The following TMEM74B variants were observed in gnomAD, a reference collection of about 807,000 sequenced individuals.
TMEM74B encodes transmembrane protein 74B, also known as transmembrane protein C20orf46.
In TMEM74B, 7 loss-of-function variants were observed where a neutral mutation model predicts 6.5. The observed-to-expected ratio is 1.07, with a 90% confidence interval of 0.61 to 2.01. The LOEUF is 2.01. Among genes scored for constraint, TMEM74B ranks in the 30% most tolerant of loss-of-function variants. The pLI, the probability that TMEM74B is intolerant of heterozygous loss-of-function variation, is 0.00. For synonymous variants in TMEM74B, 151 were observed against 151.6 expected, an observed-to-expected ratio of 1.00 and a Z score of 0.03; for missense variants, 342 against 337.0, an observed-to-expected ratio of 1.01 and a Z score of -0.12.
At chr20:1,184,982 C>T (rs540438134), upstream of TMEM74B, among the ~76,000 whole-genome samples, 187 of 152,322 alleles carry the variant, frequency 1.2e-3, no homozygotes, top group Middle Eastern at 3.4e-3. This position sits in a 1 kb window ranked among gnomAD's most constrained non-coding sequence, Gnocchi z 6.0. Context: ...CCCGGAAGGC[C>T]GAACCGGACC....
At position 1,181,945 on chromosome 20, in the gene TMEM74B, T is replaced by C. The variant is rs1329749451; in HGVS notation, c.32-358A>G. ...CTAAGTGCTCAAAGTTAGCGATGAGTTCCTATTATACTGGAGGGAATGTAG... is the reference window on the plus strand; with the variant it reads ...CTAAGTGCTCAAAGTTAGCGATGAGCTCCTATTATACTGGAGGGAATGTAG... On this transcript the variant is annotated intron_variant, in intron 2 of 2. Coordinates refer to ENST00000429036, the MANE Select transcript of TMEM74B (RefSeq NM_001304748.2). The surrounding 1 kb of genome is among the most constrained non-coding windows in gnomAD (Gnocchi z 4.9). Among the ~76,000 whole-genome samples the C allele has an allele frequency of 6.6e-6, 1 of 152,158 alleles. No homozygotes were observed. The highest frequency in any genetic ancestry group is 1.9e-4 in the East Asian group (1 of 5,184).
chr20:1,181,070 C>T lies in TMEM74B; in HGVS notation c.549G>A (p.Leu183=), dbSNP rs771037834. Residue 183 remains leucine (L), a synonymous_variant, in exon 3 of 3, where the codon CTG becomes CTA. Coordinates refer to ENST00000429036, the MANE Select transcript of TMEM74B (RefSeq NM_001304748.2). This position sits in a 1 kb window ranked among gnomAD's most constrained non-coding sequence, Gnocchi z 4.9. ...ACAAGAGCATGCCGCCCACCGTGAG[C>T]AGCCCGAGGCCTGCGATGATGCACC... ...LDRCIIAGLG[L]LTVGGMLLSV... 2 of 1,613,626 alleles carry T rather than the reference C, an allele frequency of 1.2e-6. No individual in the cohort carries two copies. Among genetic ancestry groups the T allele is most frequent in the Non-Finnish European group, 1.7e-6 (2 of 1,179,914 alleles).
intron 2 of TMEM74B, among the ~76,000 whole-genome samples, chr20:1,182,499 G>A (rs1297739841): frequency 2.7e-5 from 4 of 148,640 alleles, no homozygotes; most frequent in Admixed American, 1.3e-4. Flanking sequence ...GTGGAGGATG[G>A]GGGTCCAGCA....
upstream of TMEM74B, among the ~76,000 whole-genome samples, chr20:1,186,854 A>G (rs1419560783): frequency 6.6e-6 from 1 of 152,148 alleles, no homozygotes; most frequent in Non-Finnish European, 1.5e-5. Flanking sequence ...AAGGGATGCT[A>G]GCCCTGGCAC....
At position 1,180,632 on chromosome 20, in the gene TMEM74B, A is replaced by G; in HGVS notation, c.*216T>C. 2 of 505,272 alleles carry G rather than the reference A, an allele frequency of 4.0e-6. No homozygotes were observed. The highest frequency in any genetic ancestry group is 1.8e-4 in the South Asian group (2 of 11,400). The allele number at this position is 505,272 out of a possible 1,614,324, so 31.3% of individuals were successfully genotyped here. ...CCATCCTCCAAACAAAACCGTATGC[A>G]AAACCTCAGCTACAAAACAGATCAG... On this transcript the variant is annotated 3_prime_UTR_variant, in exon 3 of 3. Coordinates refer to ENST00000429036, the MANE Select transcript of TMEM74B (RefSeq NM_001304748.2). This position sits in a 1 kb window ranked among gnomAD's most constrained non-coding sequence, Gnocchi z 6.1.
At position 1,181,367 on chromosome 20, in the gene TMEM74B, T is replaced by G; in HGVS notation, c.252A>C (p.Ser84=). 6.4e-7 allele frequency: 1 copy of G among 1,553,474 alleles called. No individual in the cohort carries two copies. The highest frequency in any genetic ancestry group is 8.7e-7 in the Non-Finnish European group (1 of 1,147,684). The stretch of plus-strand genomic sequence containing the variant: ...AGGAGACACCCCCAGGGGGACTGGG[T>G]GAGCTGCCCAGTCTCGTGTTCCCAG... ...QNPGNTRLGS[S]PSPPGGVSSL... is the part of the protein sequence containing the mutation. The change falls in exon 3 of 3, where the codon TCA becomes TCC. Residue 84 remains serine, a synonymous_variant. Transcript: ENST00000429036. This position sits in a 1 kb window ranked among gnomAD's most constrained non-coding sequence, Gnocchi z 4.9.
At chr20:1,182,539 C>T (rs1320094367) in intron 2 of TMEM74B, among the ~76,000 whole-genome samples, 3 of 152,176 alleles carry the variant, frequency 2.0e-5, no homozygotes, top group South Asian at 2.1e-4. Context: ...GATGGCATGG[C>T]TAAAAGGGCC....
In TMEM74B at chr20:1,181,311, G is replaced by A; in HGVS notation, c.308C>T (p.Ser103Phe). The change falls in exon 3 of 3, where the codon TCC becomes TTC. Residue 103 changes from serine to phenylalanine, a missense_variant. By Grantham distance (155) the Ser-to-Phe change is radical. Coordinates refer to ENST00000429036, the MANE Select transcript of TMEM74B (RefSeq NM_001304748.2). This position sits in a 1 kb window ranked among gnomAD's most constrained non-coding sequence, Gnocchi z 4.9. ...SLPRSQRDDL[S>F]LHSEEGPALE... ...GGCTGGCCCCTCCTCTGAATGAAGG[G>A]ACAGATCATCCCGCTGGGATCGGGG... 1 of 1,609,814 alleles carries A rather than the reference G, an allele frequency of 6.2e-7. No individual in the cohort carries two copies. Among genetic ancestry groups the A allele is most frequent in the East Asian group, 2.2e-5 (1 of 44,820 alleles).
chr20:1,181,464 A>T lies in TMEM74B; in HGVS notation c.155T>A (p.Val52Glu). The T allele has an allele frequency of 2.0e-6, 3 of 1,513,510 alleles. No homozygotes were observed. Among genetic ancestry groups the T allele is most frequent in the Non-Finnish European group, 2.7e-6 (3 of 1,131,714 alleles). The allele number at this position is 1,513,510 out of a possible 1,614,324, so 93.8% of individuals were successfully genotyped here. A position where few individuals can be genotyped will look rare whatever the true frequency, so the allele number is the denominator to read the frequency against. Residue 52 changes from valine to glutamate, a missense_variant, in exon 3 of 3, where the codon GTG (valine) becomes GAG (glutamate). Physicochemically the swap from Val to Glu is moderately radical, Grantham distance 121. Transcript: ENST00000429036. The surrounding 1 kb of genome is among the most constrained non-coding windows in gnomAD (Gnocchi z 4.9). ...CTCCACACCCTCCCTGGTTGGGGCC[A>T]CTGGGCCCAGGGGAGCTGATCTCCT... ...APRRSAPLGP[V>E]APTREGVENA... is the part of the protein sequence containing the mutation.
At chr20:1,182,672 G>A (rs1386586709) in intron 2 of TMEM74B, among the ~76,000 whole-genome samples, 1 of 152,064 alleles carries the variant, frequency 6.6e-6, no homozygotes. Context: ...GGCGAGAAGA[G>A]GGACACTCTC....
rs1307502857 is a variant in TMEM74B, at chr20:1,181,611, G to GT, written c.32-25dup. On this transcript the variant is annotated intron_variant, in intron 2 of 2. Transcript: ENST00000429036. The surrounding 1 kb of genome is among the most constrained non-coding windows in gnomAD (Gnocchi z 4.9). ...AGCTGGAAGAGAAAAAAGAAAGTCA[G>GT]TTGAATGTAGCAACCTCTCCCTGTT... The GT allele has an allele frequency of 1.4e-6, 2 of 1,451,832 alleles. No individual in the cohort carries two copies. The highest frequency in any genetic ancestry group is 5.3e-5 in the Admixed American group (2 of 37,942). 89.9% of individuals were successfully genotyped at this position (1,451,832 alleles called of 1,614,324 possible). A position where few individuals can be genotyped will look rare whatever the true frequency, so the allele number is the denominator to read the frequency against.
chr20:1,181,004 G>A lies in TMEM74B; in HGVS notation c.615C>T (p.Tyr205=). ...LMVSLCKGEL[Y]RRRTFVPGKG... is the part of the protein sequence containing the mutation. ...TGCCGGGGACGAAGGTCCTCCGGCG[G>A]TACAGCTCGCCCTTGCACAGGGAGA... Residue 205 remains tyrosine, a synonymous_variant, in exon 3 of 3, where the codon TAC becomes TAT. Transcript: ENST00000429036. The surrounding 1 kb of genome is among the most constrained non-coding windows in gnomAD (Gnocchi z 4.9). 2 of 1,614,060 alleles carry A rather than the reference G, an allele frequency of 1.2e-6. No homozygotes were observed. The highest frequency in any genetic ancestry group is 1.7e-6 in the Non-Finnish European group (2 of 1,179,996).
rs1568496754 is a variant in TMEM74B at position 1,183,794 on chromosome 20, G to C, written c.8C>G (p.Pro3Arg). Residue 3 changes from proline to arginine, a missense_variant, in exon 2 of 3, where the codon CCA (proline) becomes CGA (arginine). Transcript: ENST00000429036. ...ACCTGCAAACTCATACCCCTGTGCT[G>C]GTGGCATCACTCCACCAGCCTTCCC... MPPAQGYEFAAAK... is the reference protein window; with the variant it reads MPRAQGYEFAAAK... The C allele has an allele frequency of 1.9e-6, 3 of 1,613,742 alleles. No homozygotes were observed. In the African/African-American group the frequency reaches 4.0e-5, roughly 22 times the overall value.
chr20:1,186,549 A>C (rs1016604898), upstream of TMEM74B: 2 of 152,106 alleles, frequency 1.3e-5, no homozygotes, highest in Non-Finnish European at 2.9e-5. Flanking sequence ...GAGGATTGTG[A>C]ATGTGCAGGC....
In TMEM74B at chr20:1,180,748, G is replaced by A. The variant is rs1036908340; in HGVS notation, c.*100C>T. On this transcript the variant is annotated 3_prime_UTR_variant, in exon 3 of 3. Transcript: ENST00000429036. This position sits in a 1 kb window ranked among gnomAD's most constrained non-coding sequence, Gnocchi z 6.1. ...TTCCACAAGGCCCTATGTGAGCTCA[G>A]TTTAAAACCCCAGGGCCTTGGCAGG... 5 of 1,486,714 alleles carry A rather than the reference G, an allele frequency of 3.4e-6. No individual in the cohort carries two copies. Among genetic ancestry groups the A allele is most frequent in the African/African-American group, 2.8e-5 (2 of 71,156 alleles). 92.1% of individuals were successfully genotyped at this position (1,486,714 alleles called of 1,614,324 possible).
At chr20:1,186,432 A>C (rs186921085), upstream of TMEM74B, 1 of 152,304 alleles carries the variant, frequency 6.6e-6, no homozygotes, top group Admixed American at 6.5e-5. Context: ...CCCCAGAGAC[A>C]GCTTTGGTCT....
intron 2 of TMEM74B, among the ~76,000 whole-genome samples, chr20:1,182,497 TG>T (rs1433656608): frequency 2.1e-5 from 3 of 142,040 alleles, no homozygotes; most frequent in African/African-American, 7.7e-5. Context: ...AAGTGGAGGA[TG>T]GGGGTCCAGC....
rs1491501071 is a variant in TMEM74B, at chr20:1,183,315, T to TG, written c.31+455_31+456insC. Among the ~76,000 whole-genome samples the TG allele has an allele frequency of 9.4e-4, 133 of 140,746 alleles. 1 individual carries two copies. The highest frequency in any genetic ancestry group is 2.3e-3 in the East Asian group (12 of 5,114). The allele number at this position is 140,746 out of a possible 152,430, so 92.3% of individuals were successfully genotyped here. ...CTGTGTGTGTGTGTGTGTGTGTGTG[T>TG]TTGTGTGTGTGTGTGTGTGTAAATA... On this transcript the variant is annotated intron_variant, in intron 2 of 2. Transcript: ENST00000429036.
At position 1,181,553 on chromosome 20, in the gene TMEM74B, G is replaced by A; in HGVS notation, c.66C>T (p.Ser22=). The A allele has an allele frequency of 6.8e-7, 1 of 1,476,646 alleles. No individual in the cohort carries two copies. Among genetic ancestry groups the A allele is most frequent in the Non-Finnish European group, 8.9e-7 (1 of 1,118,824 alleles). The allele number at this position is 1,476,646 out of a possible 1,614,324, so 91.5% of individuals were successfully genotyped here. A position where few individuals can be genotyped will look rare whatever the true frequency, so the allele number is the denominator to read the frequency against. ...AKGPRDELGP[S]FPMASPPGLE... ...GACCAGGGGGAGATGCCATTGGGAA[G>A]GAGGGCCCCAGCTCATCCCTTGGCC... The change falls in exon 3 of 3, where the codon TCC becomes TCT. Residue 22 remains serine, a synonymous_variant. Coordinates refer to ENST00000429036, the MANE Select transcript of TMEM74B (RefSeq NM_001304748.2). This position sits in a 1 kb window ranked among gnomAD's most constrained non-coding sequence, Gnocchi z 4.9.
Sources: gnomAD v4.1 joint callset for allele counts (sites outside exome capture counted in the v4.1 genomes callset) on GRCh38, gnomAD v4.1.1 for gene constraint, Gnocchi (gnomAD v3.1) non-coding constraint, MANE v1.5 for transcripts, NCBI Gene and HGNC (gene_info 2026-07-23, HGNC 2026-07-21) for gene names.